CHST11: variants seen among roughly 807,000 people sequenced by gnomAD.
CHST11 encodes the protein carbohydrate sulfotransferase 11.
Under a neutral mutation model 30.4 loss-of-function variants are expected in CHST11, and 9 were observed. The ratio of observed to expected loss-of-function variants is 0.30; its 90% CI spans 0.18 to 0.52. The LOEUF (loss-of-function observed/expected upper bound fraction) is 0.52, where lower values mean the gene tolerates loss of function less well. CHST11 is among the 20% of genes least tolerant of loss of function. CHST11 has a pLI of 0.97. For synonymous variants in CHST11, 152 were observed against 187.8 expected, an observed-to-expected ratio of 0.81 and a Z score of 1.56; for missense variants, 348 against 460.6, an observed-to-expected ratio of 0.76 and a Z score of 2.24.
At chr12:104,531,116 A>T (rs573181206) in intron 1 of CHST11, among the ~76,000 whole-genome samples, 1 of 151,972 alleles carries the variant, frequency 6.6e-6, no homozygotes, top group East Asian at 1.9e-4. Context: ...AGAAAGTGAC[A>T]TTTTTTTTCT....
chr12:104,588,480 C>T (rs1650131), intron 1 of CHST11, among the ~76,000 whole-genome samples: 131,847 of 152,294 alleles, frequency 0.87, 57,300 homozygotes, highest in East Asian at 1. Flanking sequence ...TGGGTTCCTG[C>T]AGCCTATGAC....
chr12:104,659,486 A>C (rs746185239), intron 2 of CHST11, among the ~76,000 whole-genome samples: 2 of 152,134 alleles, frequency 1.3e-5, no homozygotes, highest in African/African-American at 4.8e-5. Context: ...CTGAGCTCCA[A>C]ATGGCTGCTG....
intron 2 of CHST11, among the ~76,000 whole-genome samples, chr12:104,685,980 A>G (rs1288621015): frequency 6.6e-6 from 1 of 152,128 alleles, no homozygotes; most frequent in African/African-American, 2.4e-5. Flanking sequence ...TAATCACAAC[A>G]CTTTAGGAGT....
intron 1 of CHST11, among the ~76,000 whole-genome samples, chr12:104,544,826 A>G (rs900704165): frequency 7.4e-6 from 1 of 134,844 alleles, no homozygotes; most frequent in African/African-American, 2.7e-5. Context: ...TCAAAATAAT[A>G]CTAAAGTCAT....
chr12:104,571,683 A>G (rs1286887559), intron 1 of CHST11, among the ~76,000 whole-genome samples: 1 of 152,206 alleles, frequency 6.6e-6, no homozygotes, highest in Non-Finnish European at 1.5e-5. Context: ...CCTGGACCGT[A>G]TCACCTCTCA....
chr12:104,696,045 G>A (rs1339706807), intron 2 of CHST11, among the ~76,000 whole-genome samples: 9 of 152,126 alleles, frequency 5.9e-5, no homozygotes, highest in Non-Finnish European at 1.0e-4. Flanking sequence ...CTGAGCAGTC[G>A]TTCTGAGGGT....
At chr12:104,526,621 G>T (rs73185410) in intron 1 of CHST11, among the ~76,000 whole-genome samples, 3 of 152,160 alleles carry the variant, frequency 2.0e-5, no homozygotes, top group Non-Finnish European at 4.4e-5. Context: ...GCACCAGAGC[G>T]CCAGTTCTTC....
chr12:104,531,389 C>A (rs1252752490), intron 1 of CHST11, among the ~76,000 whole-genome samples: 3 of 146,672 alleles, frequency 2.0e-5, no homozygotes, highest in African/African-American at 7.7e-5. Flanking sequence ...ACTTGAGAGG[C>A]AAGAGGATCG....
At chr12:104,730,134 C>T (rs1053333673) in intron 2 of CHST11, among the ~76,000 whole-genome samples, 1 of 152,174 alleles carries the variant, frequency 6.6e-6, no homozygotes, top group Non-Finnish European at 1.5e-5. Flanking sequence ...TGCTTCCAGT[C>T]GACTCTGAAA....
intron 2 of CHST11, among the ~76,000 whole-genome samples, chr12:104,692,862 T>G (rs936216854): frequency 1.8e-5 from 1 of 56,304 alleles, no homozygotes; most frequent in Non-Finnish European, 3.7e-5. Flanking sequence ...ACCCCGCCCC[T>G]CCCACCCCCA....
intron 2 of CHST11, among the ~76,000 whole-genome samples, chr12:104,677,453 C>T (rs1273796931): frequency 5.3e-5 from 8 of 152,322 alleles, no homozygotes; most frequent in South Asian, 2.1e-4. Flanking sequence ...CTTGTGAATG[C>T]TGCAGATCAA....
intron 2 of CHST11, among the ~76,000 whole-genome samples, chr12:104,756,041 C>T (rs1183626664): frequency 6.6e-6 from 1 of 152,128 alleles, no homozygotes; most frequent in African/African-American, 2.4e-5. Context: ...AAGGAGGCAA[C>T]CAAGACACCA....
intron 1 of CHST11, among the ~76,000 whole-genome samples, chr12:104,529,774 C>T (rs1288755493): frequency 3.3e-5 from 5 of 152,210 alleles, no homozygotes; most frequent in Admixed American, 3.3e-4. Context: ...AACACTGTCT[C>T]ATCTCACTGG....
At chr12:104,690,156 G>C (rs768920833) in intron 2 of CHST11, among the ~76,000 whole-genome samples, 16 of 152,202 alleles carry the variant, frequency 1.1e-4, no homozygotes, top group Non-Finnish European at 2.2e-4. Context: ...AGCAGAGCAA[G>C]CGAGATTTAG....
At chr12:104,563,293 C>T (rs1713181353) in intron 1 of CHST11, among the ~76,000 whole-genome samples, 1 of 152,186 alleles carries the variant, frequency 6.6e-6, no homozygotes, top group Non-Finnish European at 1.5e-5. Context: ...CTGCCTCGGC[C>T]TCCCTAAGTG....
At chr12:104,457,975 G>A (rs552038453) in intron 1 of CHST11, among the ~76,000 whole-genome samples, 1 of 151,824 alleles carries the variant, frequency 6.6e-6, no homozygotes, top group South Asian at 2.1e-4. Flanking sequence ...CGGCTGCTCT[G>A]CGCCCGGGCG....
At chr12:104,543,760 G>A (rs930731015) in intron 1 of CHST11, among the ~76,000 whole-genome samples, 4 of 152,010 alleles carry the variant, frequency 2.6e-5, no homozygotes, top group Middle Eastern at 3.4e-3. Context: ...CCCCTGCCCC[G>A]GTAACTAACA....
chr12:104,595,398 A>G (rs1320549923), intron 1 of CHST11, among the ~76,000 whole-genome samples: 2 of 151,798 alleles, frequency 1.3e-5, no homozygotes, highest in Non-Finnish European at 2.9e-5. Flanking sequence ...TACACCAATT[A>G]CTGTTTCACT....
At chr12:104,643,883 A>T (rs1180196328) in intron 2 of CHST11, among the ~76,000 whole-genome samples, 1 of 152,176 alleles carries the variant, frequency 6.6e-6, no homozygotes, top group Non-Finnish European at 1.5e-5. Context: ...CTCAGCTGTC[A>T]TCTCATAAAG....
Sources: gnomAD v4.1 joint callset for allele counts (sites outside exome capture counted in the v4.1 genomes callset) on GRCh38, gnomAD v4.1.1 for gene constraint, MANE v1.5 for transcripts, NCBI Gene and HGNC (gene_info 2026-07-23, HGNC 2026-07-21) for gene names.